The following PLEKHH2 variants were observed in gnomAD, a reference collection of about 807,000 sequenced individuals.
PLEKHH2 encodes the protein pleckstrin homology domain-containing family H member 2.
Under a neutral mutation model 187.9 loss-of-function variants are expected in PLEKHH2, and 129 were observed. The ratio of observed to expected loss-of-function variants is 0.69; its 90% CI spans 0.59 to 0.79. The LOEUF (loss-of-function observed/expected upper bound fraction) is 0.79, where lower values mean the gene tolerates loss of function less well. PLEKHH2 is among the 30% of genes least tolerant of loss of function. The pLI, the probability that PLEKHH2 is intolerant of heterozygous loss-of-function variation, is 0.00. For missense variants in PLEKHH2, 2,076 were observed against 1,751.2 expected (o/e 1.19, Z -3.31); for synonymous variants, 686 against 605.6 (o/e 1.13, Z -1.95).
intron 2 of PLEKHH2, chr2:43,675,711 G>A: frequency 6.2e-7 from 1 of 1,613,918 alleles, no homozygotes; most frequent in Non-Finnish European, 8.5e-7. Context: ...GATCTGCACA[G>A]GTCTCAGAGT....
chr2:43,675,785 T>C (rs1667727803), intron 2 of PLEKHH2: 4 of 1,613,732 alleles, frequency 2.5e-6, no homozygotes, highest in Non-Finnish European at 3.4e-6. Context: ...CCTTCCACAG[T>C]CACGTATTCG....
At chr2:43,684,152 G>A (rs746263896) in intron 3 of PLEKHH2, among the ~76,000 whole-genome samples, 1 of 151,882 alleles carries the variant, frequency 6.6e-6, no homozygotes. Flanking sequence ...GTATCATATA[G>A]GATATGATAC....
chr2:43,738,762 T>G (rs563115786), intron 20 of PLEKHH2, among the ~76,000 whole-genome samples: 1 of 152,220 alleles, frequency 6.6e-6, no homozygotes, highest in Admixed American at 6.5e-5. Flanking sequence ...TGCATACTAC[T>G]TTTTTAAACT....
Position 43,637,262 on chromosome 2 carries a change from C to G in PLEKHH2, c.-121C>G, listed in dbSNP as rs934509609. 6 of 152,330 alleles carry G rather than the reference C, an allele frequency of 3.9e-5. No individual in the cohort carries two copies. Among genetic ancestry groups the G allele is most frequent in the Non-Finnish European group, 7.3e-5 (5 of 68,118 alleles). 9.4% of individuals were successfully genotyped at this position (152,330 alleles called of 1,614,324 possible). A position where few individuals can be genotyped will look rare whatever the true frequency, so the allele number is the denominator to read the frequency against. On this transcript the variant is annotated 5_prime_UTR_variant, in exon 1 of 30. Coordinates refer to ENST00000282406, the MANE Select transcript of PLEKHH2 (RefSeq NM_172069.4). ...TCCCTGGAGGAGGCGGTGCCCTTCCCCGCCCTCTCCGAGCTCGGCTTGAGG... is the reference window on the plus strand; with the variant it reads ...TCCCTGGAGGAGGCGGTGCCCTTCCGCGCCCTCTCCGAGCTCGGCTTGAGG...
intron 2 of PLEKHH2, among the ~76,000 whole-genome samples, chr2:43,671,216 A>G (rs985129807): frequency 6.6e-6 from 1 of 151,894 alleles, no homozygotes; most frequent in African/African-American, 2.4e-5. Context: ...AGAACTCCTG[A>G]CCTCAGGTTA....
At chr2:43,675,477 CT>C (rs748029349) in intron 2 of PLEKHH2, 3 of 1,613,886 alleles carry the variant, frequency 1.9e-6, no homozygotes, top group Non-Finnish European at 2.5e-6. Context: ...TTACTTCCAT[CT>C]TTTGGGGGGT....
chr2:43,685,630 C>G (rs538984902), intron 3 of PLEKHH2, among the ~76,000 whole-genome samples: 4 of 139,766 alleles, frequency 2.9e-5, no homozygotes, highest in African/African-American at 1.1e-4. Context: ...TTTGTAGAGA[C>G]GATGTCTCAC....
Position 43,767,500 on chromosome 2 carries a change from T to G in PLEKHH2, c.*1902T>G, listed in dbSNP as rs1294523189. The G allele has an allele frequency of 6.6e-6, 1 of 152,344 alleles. No individual in the cohort carries two copies. The highest frequency in any genetic ancestry group is 1.9e-4 in the East Asian group (1 of 5,342). The allele number at this position is 152,344 out of a possible 1,614,324, so 9.4% of individuals were successfully genotyped here. On this transcript the variant is annotated 3_prime_UTR_variant, in exon 30 of 30. Transcript: ENST00000282406. Reference sequence around the variant, plus strand: ...GTCGCCCATCGAATAAGCAAATTTGTTTTTGAGAATAAACTGGTAACCAGT... The same window carrying G: ...GTCGCCCATCGAATAAGCAAATTTGGTTTTGAGAATAAACTGGTAACCAGT...
At chr2:43,645,579 T>C (rs2104329909) in intron 2 of PLEKHH2, among the ~76,000 whole-genome samples, 1 of 152,266 alleles carries the variant, frequency 6.6e-6, no homozygotes, top group East Asian at 1.9e-4. Flanking sequence ...GTAGAATAAA[T>C]ACAGGATTTC....
intron 2 of PLEKHH2, among the ~76,000 whole-genome samples, chr2:43,653,031 A>C (rs747066133): frequency 2.0e-5 from 3 of 152,186 alleles, no homozygotes; most frequent in Non-Finnish European, 2.9e-5. Context: ...AACATTAAAG[A>C]GATGGAAAAT....
chr2:43,653,824 C>A lies in PLEKHH2; in HGVS notation c.123+9028C>A, dbSNP rs549624389. Among the ~76,000 whole-genome samples, 123 of 150,534 alleles carry A rather than the reference C, an allele frequency of 8.2e-4. 1 individual carries two copies. The highest frequency in any genetic ancestry group is 2.9e-3 in the African/African-American group (117 of 40,220). ...GAAGCTGAATAAAAGACATTTAACT[C>A]TAGGAAAAAAAAGACAGGAAAGGAA... On this transcript the variant is annotated intron_variant, in intron 2 of 29. Transcript: ENST00000282406.
At chr2:43,762,850 A>G (rs890223431) in intron 28 of PLEKHH2, among the ~76,000 whole-genome samples, 2 of 152,218 alleles carry the variant, frequency 1.3e-5, no homozygotes, top group African/African-American at 2.4e-5. Flanking sequence ...AATTCAAACT[A>G]TGATATCTAT....
At chr2:43,711,899 A>G in intron 14 of PLEKHH2, 1 of 994,540 alleles carries the variant, frequency 1.0e-6, no homozygotes. Flanking sequence ...GTCTCAAAAA[A>G]AAAAAAAAAA....
chr2:43,653,743 A>G (rs912966312), intron 2 of PLEKHH2, among the ~76,000 whole-genome samples: 2 of 152,224 alleles, frequency 1.3e-5, no homozygotes, highest in African/African-American at 4.8e-5. Context: ...AAACATTTTG[A>G]GAGACAATTT....
intron 2 of PLEKHH2, among the ~76,000 whole-genome samples, chr2:43,674,927 G>A (rs1420354620): frequency 6.6e-6 from 1 of 151,736 alleles, no homozygotes; most frequent in Non-Finnish European, 1.5e-5. Context: ...GGAGGTTGCA[G>A]TGAGCCGAAA....
At chr2:43,709,069 G>T (rs1201136729) in intron 11 of PLEKHH2, among the ~76,000 whole-genome samples, 2 of 152,182 alleles carry the variant, frequency 1.3e-5, no homozygotes, top group Non-Finnish European at 2.9e-5. Flanking sequence ...AGTGACTCAT[G>T]AAATGTGGCT....
intron 3 of PLEKHH2, among the ~76,000 whole-genome samples, chr2:43,688,000 T>A (rs1668610105): frequency 6.6e-6 from 1 of 152,096 alleles, no homozygotes; most frequent in African/African-American, 2.4e-5. Flanking sequence ...GCGTTCCCAC[T>A]CTTTTGCCCA....
At chr2:43,674,531 A>T (rs1011712736) in intron 2 of PLEKHH2, among the ~76,000 whole-genome samples, 1 of 152,210 alleles carries the variant, frequency 6.6e-6, no homozygotes, top group Non-Finnish European at 1.5e-5. Context: ...TAATTCAACA[A>T]AATGCTTTGA....
At chr2:43,746,590 C>G (rs1010261586) in intron 24 of PLEKHH2, among the ~76,000 whole-genome samples, 2 of 152,098 alleles carry the variant, frequency 1.3e-5, no homozygotes, top group African/African-American at 4.8e-5. Context: ...AATAGTTGCT[C>G]TCTTAGAGTA....
Sources: gnomAD v4.1 joint callset for allele counts (sites outside exome capture counted in the v4.1 genomes callset) on GRCh38, gnomAD v4.1.1 for gene constraint, MANE v1.5 for transcripts, NCBI Gene and HGNC (gene_info 2026-07-23, HGNC 2026-07-21) for gene names.